IL18BP: variants seen among roughly 807,000 people sequenced by gnomAD.
The protein encoded by IL18BP is interleukin 18 binding protein, also known as interleukin-18-binding protein.
IL18BP carries 23 observed loss-of-function variants against 19.9 expected under a neutral mutation model. The observed-to-expected ratio is 1.15, with a 90% CI of 0.83 to 1.64. IL18BP has a LOEUF of 1.64. IL18BP is among the 40% of genes most tolerant of loss of function. The pLI, the probability that IL18BP is intolerant of heterozygous loss-of-function variation, is 0.00. For missense variants in IL18BP, 239 were observed against 240.7 expected (o/e 0.99, Z 0.05); for synonymous variants, 107 against 101.0 (o/e 1.06, Z -0.35).
At chr11:72,004,263 C>G, downstream of IL18BP, 1 of 1,613,062 alleles carries the variant, frequency 6.2e-7, no homozygotes, top group South Asian at 1.1e-5. Context: ...TTCTGGGCCT[C>G]AGTAGTGCTC....
intron 1 of IL18BP, 155 bp downstream of exon 1, chr11:71,999,174 T>C (rs750655807): frequency 5.8e-6 from 3 of 516,340 alleles, no homozygotes; most frequent in African/African-American, 1.9e-5. Context: ...GGCCAGGATG[T>C]GGACGGACTG....
At chr11:72,006,993 C>G (rs1955765932), downstream of IL18BP, among the ~76,000 whole-genome samples, 1 of 152,236 alleles carries the variant, frequency 6.6e-6, no homozygotes, top group Non-Finnish European at 1.5e-5. Context: ...AGGCAGGGAT[C>G]TAATCCTAGC....
At chr11:72,007,692 G>A, downstream of IL18BP, 1 of 534,012 alleles carries the variant, frequency 1.9e-6, no homozygotes, top group South Asian at 2.2e-5. Flanking sequence ...AGATGCCCAT[G>A]GCTGCTTCAC....
chr11:72,007,205 TTGA>T (rs755896725), downstream of IL18BP: 11 of 1,609,990 alleles, frequency 6.8e-6, no homozygotes, highest in South Asian at 1.1e-4. Context: ...CATGGTGATG[TTGA>T]TGATCTGCGT....
rs1955287584 is a variant in IL18BP, at chr11:72,002,119, C to T, written c.*258C>T. The T allele has an allele frequency of 3.4e-6, 2 of 585,200 alleles. No individual in the cohort carries two copies. The highest frequency in any genetic ancestry group is 2.9e-5 in the East Asian group (1 of 34,990). 36.3% of individuals were successfully genotyped at this position (585,200 alleles called of 1,614,324 possible). On this transcript the variant is annotated 3_prime_UTR_variant, in exon 6 of 6. Coordinates refer to ENST00000393703, the MANE Select transcript of IL18BP (RefSeq NM_001039660.2). ...CCATTAGCCTTCCTAACGTCCTACT[C>T]CTCACACTGCTCTACTGCTCAGAAA...
At chr11:72,002,902 AT>A (rs1955356167), downstream of IL18BP, 2 of 229,286 alleles carry the variant, frequency 8.7e-6, no homozygotes, top group East Asian at 1.2e-4. Context: ...AAGTAATAAC[AT>A]TTAGAAAAGA....
At chr11:72,003,894 T>C (rs1955456588), downstream of IL18BP, 1 of 1,613,630 alleles carries the variant, frequency 6.2e-7, no homozygotes, top group East Asian at 2.2e-5. Flanking sequence ...TACCTTGCCC[T>C]TGGCTCGAGG....
downstream of IL18BP, chr11:72,004,151 A>T (rs1466947568): frequency 6.2e-7 from 1 of 1,610,666 alleles, no homozygotes; most frequent in South Asian, 1.1e-5. Flanking sequence ...TTCCCAGGCC[A>T]GCGTGCTGTG....
downstream of IL18BP, chr11:72,007,058 T>G (rs963976910): frequency 2.0e-5 from 22 of 1,124,902 alleles, no homozygotes; most frequent in African/African-American, 2.9e-4. Flanking sequence ...TTTTAAGACC[T>G]CTCAGCTTTC....
At chr11:72,000,630 A>G (rs2134245063) in intron 3 of IL18BP, 73 bp downstream of exon 3, 2 of 1,282,576 alleles carry the variant, frequency 1.6e-6, no homozygotes, top group Non-Finnish European at 1.1e-6. Context: ...CCTGAGCGCC[A>G]GTCCCCTTCT....
chr11:72,006,117 C>T (rs1256320493), downstream of IL18BP: 2 of 1,614,174 alleles, frequency 1.2e-6, no homozygotes, highest in Admixed American at 1.7e-5. Flanking sequence ...GCAAGCTGAG[C>T]AGGGCTGAGT....
At chr11:72,005,567 C>G (rs1955629521), downstream of IL18BP, 2 of 567,944 alleles carry the variant, frequency 3.5e-6, no homozygotes, top group Non-Finnish European at 6.1e-6. Flanking sequence ...CACCTTCTCC[C>G]TGGAGAGGGC....
downstream of IL18BP, chr11:72,003,852 C>T (rs373127454): frequency 6.1e-5 from 98 of 1,605,510 alleles, no homozygotes; most frequent in Non-Finnish European, 7.6e-5. Context: ...ATGCTCTCAT[C>T]GGGTTTCCCT....
chr11:72,004,223 A>G, downstream of IL18BP: 1 of 1,609,514 alleles, frequency 6.2e-7, no homozygotes, highest in Non-Finnish European at 8.5e-7. Context: ...CCCCAGCCTC[A>G]CCTGTTTAGT....
downstream of IL18BP, chr11:72,007,819 A>T: frequency 5.6e-6 from 2 of 356,140 alleles, no homozygotes; most frequent in Non-Finnish European, 1.1e-5. Flanking sequence ...GCATAATCCA[A>T]TGTCGTCCTG....
chr11:72,007,271 CCCAGGGAGTCCAGGCTGCTCT>C, downstream of IL18BP: 1 of 1,612,902 alleles, frequency 6.2e-7, no homozygotes, highest in African/African-American at 1.3e-5. Flanking sequence ...GAAGACGTCT[CCCAGGGAGTCCAGGCTGCTCT>C]CCAGGGGGGC....
In IL18BP at chr11:72,002,085, T is replaced by C; in HGVS notation, c.*224T>C. On this transcript the variant is annotated 3_prime_UTR_variant, in exon 6 of 6. Transcript: ENST00000393703. The stretch of plus-strand genomic sequence containing the variant: ...TGCCTCCTCCTCCTGCCATTCTCTC[T>C]CCACCTATCCATTAGCCTTCCTAAC... The C allele has an allele frequency of 1.6e-6, 1 of 637,576 alleles. No homozygotes were observed. Among genetic ancestry groups the C allele is most frequent in the Non-Finnish European group, 2.8e-6 (1 of 359,332 alleles). 39.5% of individuals were successfully genotyped at this position (637,576 alleles called of 1,614,324 possible).
chr11:72,007,773 A>G (rs1291347353), downstream of IL18BP: 1 of 383,756 alleles, frequency 2.6e-6, no homozygotes, highest in East Asian at 6.0e-5. Context: ...GTGAATAGGA[A>G]CGCCCCCCAC....
downstream of IL18BP, chr11:72,006,059 C>T (rs767774866): frequency 1.4e-5 from 22 of 1,613,152 alleles, no homozygotes; most frequent in South Asian, 9.9e-5. Context: ...CTGGACACCC[C>T]GGCCTGGGAA....
Sources: allele counts gnomAD v4.1 joint callset (sites outside exome capture counted in the v4.1 genomes callset), GRCh38; gene constraint gnomAD v4.1.1; transcripts MANE v1.5; gene names NCBI Gene and HGNC (gene_info 2026-07-23, HGNC 2026-07-21).